Variants in RPA1 observed in about 807,000 individuals in gnomAD.
RPA1 encodes replication protein A 70 kDa DNA-binding subunit.
RPA1 carries 49 observed loss-of-function variants against 83.0 expected under a neutral mutation model. The observed-to-expected ratio is 0.59, with a 90% confidence interval of 0.47 to 0.75. The LOEUF is 0.75. Ranked by LOEUF, RPA1 falls within the 30% of genes least tolerant of loss-of-function variation. The pLI, the probability that RPA1 is intolerant of heterozygous loss-of-function variation, is 0.00. For missense variants in RPA1, 693 were observed against 776.1 expected, an observed-to-expected ratio of 0.89 and a Z score of 1.27; for synonymous variants, 279 against 281.8, an observed-to-expected ratio of 0.99 and a Z score of 0.10.
intron 5 of RPA1, among the ~76,000 whole-genome samples, chr17:1,864,877 G>A (rs1488982818): frequency 2.6e-5 from 4 of 152,226 alleles, no homozygotes; most frequent in Non-Finnish European, 4.4e-5. Context: ...TCCAGCCTGG[G>A]CGACAGAGTG....
intron 14 of RPA1, among the ~76,000 whole-genome samples, chr17:1,890,575 A>G (rs950449488): frequency 3.9e-5 from 6 of 151,940 alleles, no homozygotes; most frequent in Non-Finnish European, 8.8e-5. Flanking sequence ...AGGCCGGGGA[A>G]TGGCATGAAC....
At chr17:1,877,358 G>A (rs879360378) in intron 8 of RPA1, 44 bp downstream of exon 8, 23 of 1,559,534 alleles carry the variant, frequency 1.5e-5, no homozygotes, top group African/African-American at 4.1e-5. Flanking sequence ...TGGGCTCGCC[G>A]GGAAACAGAA....
At chr17:1,868,855 C>T (rs985684739) in intron 5 of RPA1, among the ~76,000 whole-genome samples, 6 of 152,164 alleles carry the variant, frequency 3.9e-5, no homozygotes, top group Admixed American at 2.0e-4. Context: ...TAAAGTCTCC[C>T]GTATTTACCA....
At position 1,897,303 on chromosome 17, in the gene RPA1, T is replaced by C. The variant is rs1914480047; in HGVS notation, c.*128T>C. On this transcript the variant is annotated 3_prime_UTR_variant, in exon 17 of 17. Coordinates refer to ENST00000254719, the MANE Select transcript of RPA1 (RefSeq NM_002945.5). ...GCTCTTGATGGTGGACTAAGCAATT[T>C]CCCCCCTCGTGCGCATCTCAGAACC... 1 of 710,456 alleles carries C rather than the reference T, an allele frequency of 1.4e-6. No homozygotes were observed. The highest frequency in any genetic ancestry group is 1.8e-5 in the African/African-American group (1 of 55,442). The allele number at this position is 710,456 out of a possible 1,614,324, so 44.0% of individuals were successfully genotyped here.
intron 5 of RPA1, among the ~76,000 whole-genome samples, chr17:1,855,659 A>G (rs1436135840): frequency 6.6e-6 from 1 of 152,054 alleles, no homozygotes; most frequent in Non-Finnish European, 1.5e-5. Context: ...GTTTTCTTCT[A>G]TTGTTACATC....
intron 5 of RPA1, chr17:1,858,421 A>G (rs377261881): frequency 1.3e-5 from 20 of 1,561,756 alleles, no homozygotes; most frequent in Non-Finnish European, 1.7e-5. Context: ...ATGACGACCA[A>G]CGTGTCTCAG....
chr17:1,875,661 G>A lies in RPA1; in HGVS notation c.455G>A (p.Gly152Asp). The A allele has an allele frequency of 1.2e-6, 2 of 1,611,280 alleles. No individual in the cohort carries two copies. The highest frequency in any genetic ancestry group is 1.7e-6 in the Non-Finnish European group (2 of 1,179,068). ...TTTTCGTTTGCGTTTGTTTTTAAAG[G>A]TTCTACTGTTTCTAAGGCTTATGGT... ...PQPQNGSSGMGSTVSKAYGAS... is the reference protein window; with the variant it reads ...PQPQNGSSGMDSTVSKAYGAS... The change falls in exon 7 of 17, where the codon GGT becomes GAT. Residue 152 changes from glycine (G) to aspartate (D), a missense_variant and splice_region_variant. Coordinates refer to ENST00000254719, the MANE Select transcript of RPA1 (RefSeq NM_002945.5).
At chr17:1,841,342 C>T (rs139509278) in intron 1 of RPA1, among the ~76,000 whole-genome samples, 2 of 152,252 alleles carry the variant, frequency 1.3e-5, no homozygotes, top group Admixed American at 6.5e-5. Context: ...CTCACTCTGT[C>T]GCCCAGGCTG....
chr17:1,866,867 G>A (rs982208462), intron 5 of RPA1, among the ~76,000 whole-genome samples: 1 of 152,236 alleles, frequency 6.6e-6, no homozygotes, highest in African/African-American at 2.4e-5. Flanking sequence ...AACTTGGAAT[G>A]TGCGGGTTTT....
intron 12 of RPA1, among the ~76,000 whole-genome samples, chr17:1,883,441 A>G (rs1024654204): frequency 5.3e-5 from 8 of 152,074 alleles, no homozygotes; most frequent in Admixed American, 5.2e-4. Context: ...GGTTACAGGC[A>G]TGAGCCACTG....
At chr17:1,888,598 A>G in intron 13 of RPA1, 77 bp from the exon 14 acceptor site, 4 of 1,440,434 alleles carry the variant, frequency 2.8e-6, no homozygotes, top group Non-Finnish European at 9.5e-7. Flanking sequence ...ACGTAAGGGC[A>G]GGCTTTGAGC....
At chr17:1,863,163 G>A (rs894896371) in intron 5 of RPA1, among the ~76,000 whole-genome samples, 6 of 147,700 alleles carry the variant, frequency 4.1e-5, no homozygotes, top group African/African-American at 9.7e-5. Context: ...AGCTGGGAGC[G>A]TGAACCACCA....
chr17:1,880,755 A>C lies in RPA1; in HGVS notation c.1241+64A>C, dbSNP rs1464584816. 3 of 1,595,832 alleles carry C rather than the reference A, an allele frequency of 1.9e-6. No homozygotes were observed. In the African/African-American group the frequency reaches 4.0e-5, roughly 21 times the overall value. On this transcript the variant is annotated intron_variant, in intron 12 of 16. Transcript: ENST00000254719. The stretch of plus-strand genomic sequence containing the variant: ...TGGGCTTTGAGAAAAGCTGGTTACA[A>C]TCAGCATGGGAGCTTTCTGCCAAGC...
chr17:1,877,212 G>A lies in RPA1; in HGVS notation c.588G>A (p.Lys196=), dbSNP rs770743630. 6 of 1,613,970 alleles carry A rather than the reference G, an allele frequency of 3.7e-6. No individual in the cohort carries two copies. The highest frequency in any genetic ancestry group is 1.3e-5 in the African/African-American group (1 of 74,928). The part of the protein sequence containing the change: ...PIASLTPYQS[K]WTICARVTNK... ...CTAATATGATCGATTTGGTTTGTAG[G>A]TGGACCATTTGTGCTCGTGTTACCA... Residue 196 remains lysine, a splice_region_variant and synonymous_variant, in exon 8 of 17, where the codon AAG becomes AAA. Coordinates refer to ENST00000254719, the MANE Select transcript of RPA1 (RefSeq NM_002945.5).
chr17:1,868,223 C>T (rs562385804), intron 5 of RPA1, among the ~76,000 whole-genome samples: 11 of 152,308 alleles, frequency 7.2e-5, no homozygotes, highest in African/African-American at 2.6e-4. Flanking sequence ...GGATTACTTA[C>T]TCTCGAATTT....
At chr17:1,877,151 T>C in intron 7 of RPA1, 61 bp from the exon 8 acceptor site, 1 of 1,474,076 alleles carries the variant, frequency 6.8e-7, no homozygotes, top group Non-Finnish European at 9.5e-7. Flanking sequence ...GGAAGATGAT[T>C]TCTTACTTGA....
At chr17:1,862,651 T>G (rs12952834) in intron 5 of RPA1, among the ~76,000 whole-genome samples, 48,312 of 145,916 alleles carry the variant, frequency 0.33, 10,306 homozygotes, top group Non-Finnish European at 0.49. Context: ...TCCCCTGACC[T>G]CAAGTGATCC....
chr17:1,874,012 A>AAAAAAAAAATATAT (rs1555592994), intron 6 of RPA1, among the ~76,000 whole-genome samples: 1 of 93,866 alleles, frequency 1.1e-5, no homozygotes, highest in African/African-American at 5.1e-5. Flanking sequence ...AAAAAAAAAA[A>AAAAAAAAAATATAT]ATATATATAT....
chr17:1,893,105 A>G (rs950474780), intron 15 of RPA1, among the ~76,000 whole-genome samples: 15 of 152,110 alleles, frequency 9.9e-5, no homozygotes, highest in Admixed American at 5.2e-4. Context: ...CTTTTTTTAA[A>G]TTGTCCATGA....
Sources: gnomAD v4.1 joint callset for allele counts (sites outside exome capture counted in the v4.1 genomes callset) on GRCh38, gnomAD v4.1.1 for gene constraint, MANE v1.5 for transcripts, NCBI Gene and HGNC (gene_info 2026-07-23, HGNC 2026-07-21) for gene names.